RAPGEF6: variants seen among roughly 807,000 people sequenced by gnomAD.
The protein encoded by RAPGEF6 is PDZ domain containing guanine nucleotide exchange factor (GEF) 2.
A neutral mutation model predicts 171.4 loss-of-function variants in RAPGEF6; 56 were observed. The ratio of observed to expected loss-of-function variants is 0.33; its 90% CI spans 0.26 to 0.41. RAPGEF6 has a LOEUF of 0.41. RAPGEF6 is among the 10% of genes least tolerant of loss of function. RAPGEF6 has a pLI of 1.00. For synonymous variants in RAPGEF6, 692 were observed against 650.1 expected, an observed-to-expected ratio of 1.06 and a Z score of -0.98; for missense variants, 1,674 against 1,921.4, an observed-to-expected ratio of 0.87 and a Z score of 2.41.
intron 15 of RAPGEF6, among the ~76,000 whole-genome samples, chr5:131,483,086 T>C (rs1030292228): frequency 4.6e-5 from 7 of 152,100 alleles, no homozygotes; most frequent in African/African-American, 1.2e-4. Flanking sequence ...TGGTGGCTCA[T>C]GCCTGTAATC....
At chr5:131,452,634 T>G (rs1186809033) in intron 21 of RAPGEF6, among the ~76,000 whole-genome samples, 1 of 151,452 alleles carries the variant, frequency 6.6e-6, no homozygotes, top group Non-Finnish European at 1.5e-5. Context: ...TTGCTGATTT[T>G]TTTTTTTTTT....
Position 131,510,361 on chromosome 5 carries a change from C to G in RAPGEF6, c.758G>C (p.Arg253Pro). 1 of 1,613,960 alleles carries G rather than the reference C, an allele frequency of 6.2e-7. No homozygotes were observed. The highest frequency in any genetic ancestry group is 8.5e-7 in the Non-Finnish European group (1 of 1,179,996). The change falls in exon 8 of 28, where the codon CGA becomes CCA. Residue 253 changes from arginine (R) to proline (P), a missense_variant. This residue lies in a region of RAPGEF6 where 1,116 missense variants were observed against 1,321.5 expected (regional missense o/e 0.84). Transcript: ENST00000509018. ...TGCAGGTTCTTTTTCAAGACATTCTCGAACAAGATCTCGCCCCTGCAATGG... is the reference window on the plus strand; with the variant it reads ...TGCAGGTTCTTTTTCAAGACATTCTGGAACAAGATCTCGCCCCTGCAATGG... ...TDPLQGRDLV[R>P]ECLEKEPADK...
At chr5:131,439,102 A>T (rs931010917) in intron 24 of RAPGEF6, among the ~76,000 whole-genome samples, 1 of 152,044 alleles carries the variant, frequency 6.6e-6, no homozygotes, top group Non-Finnish European at 1.5e-5. Flanking sequence ...TTGTTTGTAG[A>T]GTTGGGGTCT....
chr5:131,479,397 TTA>T, intron 16 of RAPGEF6, 114 bp downstream of exon 16: 1 of 1,097,284 alleles, frequency 9.1e-7, no homozygotes, highest in South Asian at 1.6e-5. Context: ...TTTGAAGACT[TTA>T]TGATACATTA....
At position 131,434,098 on chromosome 5, in the gene RAPGEF6, C is replaced by A. The variant is rs192389377; in HGVS notation, c.3746-440G>T. On this transcript the variant is annotated intron_variant, in intron 24 of 27. Coordinates refer to ENST00000509018, the MANE Select transcript of RAPGEF6 (RefSeq NM_016340.6). Reference sequence around the variant, plus strand: ...CTTGACCTGATCTGAATCCCAAATACCATCTTGAAGTAAGGGTAGGGGTGG... The same window carrying A: ...CTTGACCTGATCTGAATCCCAAATAACATCTTGAAGTAAGGGTAGGGGTGG... Among the ~76,000 whole-genome samples, 505 of 152,268 alleles carry A rather than the reference C, an allele frequency of 3.3e-3. 4 individuals carry two copies. The highest frequency in any genetic ancestry group is 0.012 in the African/African-American group (478 of 41,544).
rs78574758 is a variant in RAPGEF6, at chr5:131,544,329, T to C, written c.495+3718A>G. On this transcript the variant is annotated intron_variant, in intron 6 of 27. Transcript: ENST00000509018. ...TCATAAACAGGCAAACAGAAACAAA[T>C]TGTGGTACATTCATACAATGAAATA... is the stretch of plus-strand genomic sequence containing the variant. Among the ~76,000 whole-genome samples, 781 of 152,158 alleles carry C rather than the reference T, an allele frequency of 5.1e-3. 5 individuals carry two copies. The highest frequency in any genetic ancestry group is 0.017 in the African/African-American group (715 of 41,504).
At chr5:131,450,320 A>G (rs536453782) in intron 21 of RAPGEF6, among the ~76,000 whole-genome samples, 32 of 152,328 alleles carry the variant, frequency 2.1e-4, no homozygotes, top group African/African-American at 5.8e-4. Flanking sequence ...GGAAGCTTAT[A>G]TAAATAAGAA....
At chr5:131,554,974 G>A (rs1356335274) in intron 5 of RAPGEF6, among the ~76,000 whole-genome samples, 1 of 152,032 alleles carries the variant, frequency 6.6e-6, no homozygotes, top group Non-Finnish European at 1.5e-5. Flanking sequence ...CAAATAAAAA[G>A]CACATAATGT....
At chr5:131,532,920 A>G (rs1759493934) in intron 6 of RAPGEF6, 1 of 152,658 alleles carries the variant, frequency 6.6e-6, no homozygotes, top group African/African-American at 2.4e-5. Flanking sequence ...CTTCTGCTAA[A>G]GCAAGACTGA....
chr5:131,502,179 ATAAAT>A (rs1178925656), intron 11 of RAPGEF6, among the ~76,000 whole-genome samples: 1 of 152,252 alleles, frequency 6.6e-6, no homozygotes. Context: ...ACCAATATAA[ATAAAT>A]TAATGAAGAC....
intron 15 of RAPGEF6, among the ~76,000 whole-genome samples, chr5:131,482,852 T>C (rs955179860): frequency 1.3e-5 from 2 of 152,126 alleles, no homozygotes; most frequent in African/African-American, 4.8e-5. Context: ...ATGAGTAATC[T>C]TAGGTAGAGA....
Position 131,603,299 on chromosome 5 carries a change from T to G in RAPGEF6, c.169A>C (p.Arg57=), listed in dbSNP as rs771125115. 3.8e-5 allele frequency: 60 copies of G among 1,578,914 alleles called. No individual in the cohort carries two copies. The Admixed American group carries it at 6.4e-4, about 17-fold the overall frequency. ...AAGAGAACCTGATTGCCACTGTATC[T>G]CTCATAGCGTGCTCTTGCAGACATT... is the stretch of plus-strand genomic sequence containing the variant. ...RLMSARARYE[R]YSGNQVLFCS... is the part of the protein sequence containing the mutation. Residue 57 remains arginine, a synonymous_variant, in exon 3 of 28, where the codon AGA becomes CGA. Coordinates refer to ENST00000509018, the MANE Select transcript of RAPGEF6 (RefSeq NM_016340.6).
chr5:131,564,887 T>C (rs1042279977), intron 4 of RAPGEF6, among the ~76,000 whole-genome samples: 2 of 152,204 alleles, frequency 1.3e-5, no homozygotes, highest in African/African-American at 4.8e-5. Flanking sequence ...TCAGTAATGT[T>C]AAAATTGGTG....
At chr5:131,548,214 G>A in intron 5 of RAPGEF6, 24 bp from the exon 6 acceptor site, 2 of 1,608,798 alleles carry the variant, frequency 1.2e-6, no homozygotes, top group African/African-American at 1.3e-5. Flanking sequence ...TCATATTCCT[G>A]ATGAAATATC....
intron 6 of RAPGEF6, chr5:131,532,127 T>C (rs1221050731): frequency 2.2e-6 from 1 of 453,124 alleles, no homozygotes. Context: ...TGAAGACAAT[T>C]GGCATAACAG....
At chr5:131,472,348 G>C (rs1188298122) in intron 17 of RAPGEF6, 4 of 521,280 alleles carry the variant, frequency 7.7e-6, no homozygotes, top group African/African-American at 5.7e-5. Flanking sequence ...TGGGATTACA[G>C]GCGTGAGCCA....
chr5:131,504,138 A>AT (rs1757196504), intron 11 of RAPGEF6, among the ~76,000 whole-genome samples: 1 of 152,136 alleles, frequency 6.6e-6, no homozygotes, highest in Admixed American at 6.6e-5. Context: ...TTAAATGGCA[A>AT]TAAGTCATCC....
chr5:131,572,734 C>T (rs899503432), intron 4 of RAPGEF6, among the ~76,000 whole-genome samples: 2 of 152,100 alleles, frequency 1.3e-5, no homozygotes, highest in African/African-American at 2.4e-5. Flanking sequence ...GGCAACCTTC[C>T]GCCATCCATT....
At chr5:131,597,655 G>A (rs1364329562) in intron 3 of RAPGEF6, among the ~76,000 whole-genome samples, 1 of 152,124 alleles carries the variant, frequency 6.6e-6, no homozygotes, top group East Asian at 1.9e-4. Context: ...AAAATAAAAA[G>A]TTGATACCAT....
Sources: allele counts gnomAD v4.1 joint callset (sites outside exome capture counted in the v4.1 genomes callset), GRCh38; gene constraint gnomAD v4.1.1; regional missense constraint gnomAD v4.1.1; transcripts MANE v1.5; gene names NCBI Gene and HGNC (gene_info 2026-07-23, HGNC 2026-07-21).